NALCN: variants seen among roughly 807,000 people sequenced by gnomAD.
NALCN encodes the protein sodium leak channel, non-selective.
Under a neutral mutation model 225.3 loss-of-function variants are expected in NALCN, and 111 were observed. The observed-to-expected ratio is 0.49, with a 90% CI of 0.42 to 0.58. NALCN has a LOEUF of 0.58. Ranked by LOEUF, NALCN falls within the 20% of genes least tolerant of loss-of-function variation. The probability of loss-of-function intolerance (pLI) is 0.00; values close to 1 mark genes in which losing one functional copy is unlikely to be tolerated. For missense variants in NALCN, 1,378 were observed against 2,202.4 expected, an observed-to-expected ratio of 0.63 and a Z score of 7.49; for synonymous variants, 764 against 769.0, an observed-to-expected ratio of 0.99 and a Z score of 0.11.
intron 17 of NALCN, among the ~76,000 whole-genome samples, chr13:101,138,596 A>G (rs1463723208): frequency 6.6e-6 from 1 of 152,200 alleles, no homozygotes; most frequent in Non-Finnish European, 1.5e-5. Context: ...TTCCCAGGCT[A>G]TTGCAGGTTC....
At chr13:101,300,395 C>CTTCCTTCT (rs1423257515) in intron 7 of NALCN, among the ~76,000 whole-genome samples, 5 of 139,472 alleles carry the variant, frequency 3.6e-5, no homozygotes, top group Non-Finnish European at 7.7e-5. Flanking sequence ...TCCTTCCTTC[C>CTTCCTTCT]TTCCCTCCTT....
At chr13:101,349,755 T>C (rs1190698880) in intron 6 of NALCN, among the ~76,000 whole-genome samples, 5 of 152,190 alleles carry the variant, frequency 3.3e-5, no homozygotes, top group African/African-American at 1.2e-4. Flanking sequence ...CTTTCATGAT[T>C]TCTCAATTCT....
intron 7 of NALCN, among the ~76,000 whole-genome samples, chr13:101,323,823 G>A (rs1424530260): frequency 1.3e-5 from 2 of 152,138 alleles, no homozygotes; most frequent in African/African-American, 4.8e-5. Flanking sequence ...CTCCTTTTCT[G>A]GAAGGCAAAT....
In NALCN at chr13:101,081,651, A is replaced by G. The variant is rs769697461; in HGVS notation, c.3766-5T>C. ...TGCTATGATCTTCATGGTAACCTGG[A>G]GAAAAAGCAAAGAAGAAAATAAACA... On this transcript the variant is annotated splice_region_variant and splice_polypyrimidine_tract_variant and intron_variant, in intron 33 of 43. Transcript: ENST00000251127. 3 of 1,613,800 alleles carry G rather than the reference A, an allele frequency of 1.9e-6. No homozygotes were observed. The highest frequency in any genetic ancestry group is 2.5e-6 in the Non-Finnish European group (3 of 1,179,900).
At chr13:101,412,564 C>T (rs1296694894) in intron 1 of NALCN, among the ~76,000 whole-genome samples, 1 of 152,222 alleles carries the variant, frequency 6.6e-6, no homozygotes, top group Non-Finnish European at 1.5e-5. Flanking sequence ...TTCTGTTTTA[C>T]AAAAGCCTGC....
intron 25 of NALCN, among the ~76,000 whole-genome samples, chr13:101,103,623 G>C (rs903423171): frequency 1.3e-5 from 2 of 152,060 alleles, no homozygotes; most frequent in Non-Finnish European, 2.9e-5. Flanking sequence ...CTACTCTGGA[G>C]GCTCCACTGA....
At chr13:101,135,911 C>T (rs866925437) in intron 17 of NALCN, among the ~76,000 whole-genome samples, 1 of 152,180 alleles carries the variant, frequency 6.6e-6, no homozygotes, top group Non-Finnish European at 1.5e-5. Context: ...GTGCATGATA[C>T]AGAAAATGCG....
At chr13:101,134,652 C>A (rs955807121) in intron 17 of NALCN, among the ~76,000 whole-genome samples, 1 of 152,034 alleles carries the variant, frequency 6.6e-6, no homozygotes. Flanking sequence ...AATCAACTAA[C>A]TTGATATATA....
intron 14 of NALCN, among the ~76,000 whole-genome samples, chr13:101,182,965 A>G (rs1477980422): frequency 6.6e-6 from 1 of 152,256 alleles, no homozygotes; most frequent in African/African-American, 2.4e-5. Context: ...GTATTTTCCT[A>G]CAAACCCAGT....
chr13:101,239,591 A>G (rs771548684), intron 11 of NALCN, among the ~76,000 whole-genome samples: 5 of 152,128 alleles, frequency 3.3e-5, no homozygotes, highest in African/African-American at 4.8e-5. Flanking sequence ...TTCAATGTTT[A>G]TGTAACTCAA....
intron 38 of NALCN, 105 bp from the exon 39 acceptor site, chr13:101,068,138 C>G (rs990604101): frequency 5.6e-6 from 4 of 712,290 alleles, no homozygotes; most frequent in Non-Finnish European, 9.1e-6. Context: ...TCACCTATAT[C>G]ATAAGCCAAA....
chr13:101,131,157 C>T (rs147334404), intron 17 of NALCN, among the ~76,000 whole-genome samples: 110 of 152,144 alleles, frequency 7.2e-4, no homozygotes, highest in African/African-American at 2.4e-3. Context: ...GTTCTGGCAC[C>T]TCATTTCTGA....
intron 13 of NALCN, among the ~76,000 whole-genome samples, chr13:101,221,200 C>T (rs979570260): frequency 5.9e-5 from 9 of 151,784 alleles, no homozygotes; most frequent in Non-Finnish European, 1.2e-4. Context: ...TCTACTGCAA[C>T]CTCTGACTCC....
At chr13:101,136,508 A>T (rs566973188) in intron 17 of NALCN, among the ~76,000 whole-genome samples, 5 of 141,136 alleles carry the variant, frequency 3.5e-5, no homozygotes, top group African/African-American at 1.3e-4. Context: ...CCTGTGTCCA[A>T]GTGTTCTCAT....
At chr13:101,368,423 T>C (rs2046442528) in intron 6 of NALCN, 1 of 152,000 alleles carries the variant, frequency 6.6e-6, no homozygotes, top group African/African-American at 2.4e-5. Flanking sequence ...TTTGGGTTGG[T>C]TCCAAGTCTT....
chr13:101,398,832 A>G (rs1461126780), intron 2 of NALCN, among the ~76,000 whole-genome samples, 187 bp downstream of exon 2: 1 of 152,072 alleles, frequency 6.6e-6, no homozygotes, highest in Non-Finnish European at 1.5e-5. Flanking sequence ...GCATCTTCCT[A>G]TGTGAGTAAC....
At chr13:101,301,979 C>G (rs1052846327) in intron 7 of NALCN, among the ~76,000 whole-genome samples, 3 of 152,024 alleles carry the variant, frequency 2.0e-5, no homozygotes, top group Non-Finnish European at 2.9e-5. Context: ...TATGTCATAC[C>G]AGAAATATGT....
chr13:101,117,172 T>C (rs2035758083), intron 18 of NALCN, among the ~76,000 whole-genome samples: 3 of 152,166 alleles, frequency 2.0e-5, no homozygotes, highest in Non-Finnish European at 4.4e-5. Context: ...GGCATGTAAA[T>C]ACATGGGCGA....
At chr13:101,323,638 C>T (rs1395878382) in intron 7 of NALCN, among the ~76,000 whole-genome samples, 1 of 152,180 alleles carries the variant, frequency 6.6e-6, no homozygotes, top group Admixed American at 6.5e-5. Flanking sequence ...CCTCTGCCTA[C>T]AGCCTCAACA....
Sources: gnomAD v4.1 joint callset for allele counts (sites outside exome capture counted in the v4.1 genomes callset) on GRCh38, gnomAD v4.1.1 for gene constraint, MANE v1.5 for transcripts, NCBI Gene and HGNC (gene_info 2026-07-23, HGNC 2026-07-21) for gene names.